The following CCSER1 variants were observed in gnomAD, a reference collection of about 807,000 sequenced individuals.
CCSER1 encodes serine-rich coiled-coil domain-containing protein 1.
Under a neutral mutation model 82.0 loss-of-function variants are expected in CCSER1, and 41 were observed. That is an observed-to-expected ratio of 0.50 (90% confidence interval 0.39 to 0.65). The LOEUF (loss-of-function observed/expected upper bound fraction) is 0.65, where lower values mean the gene tolerates loss of function less well. Ranked by LOEUF, CCSER1 falls within the 30% of genes least tolerant of loss-of-function variation. The pLI is 0.00. For missense variants in CCSER1, 1,119 were observed against 1,064.2 expected, an observed-to-expected ratio of 1.05 and a Z score of -0.72; for synonymous variants, 414 against 383.9, an observed-to-expected ratio of 1.08 and a Z score of -0.92.
chr4:91,254,071 C>T (rs1181290315), intron 10 of CCSER1, among the ~76,000 whole-genome samples: 2 of 152,048 alleles, frequency 1.3e-5, no homozygotes, highest in African/African-American at 2.4e-5. Flanking sequence ...CAGTAACAGA[C>T]TATCAAAATA....
intron 7 of CCSER1, among the ~76,000 whole-genome samples, chr4:90,811,995 C>CACACACACACACACATATATAT (rs367800484): frequency 7.0e-6 from 1 of 142,778 alleles, no homozygotes; most frequent in Non-Finnish European, 1.5e-5. Flanking sequence ...TATATAAACA[C>CACACACACACACACATATATAT]ATATATATAT....
chr4:90,822,095 TTAAG>T (rs1202710514), intron 8 of CCSER1, among the ~76,000 whole-genome samples: 22 of 152,186 alleles, frequency 1.4e-4, no homozygotes, highest in Admixed American at 1.4e-3. Context: ...AAAATATTTT[TTAAG>T]TAAGTTAGAG....
intron 5 of CCSER1, among the ~76,000 whole-genome samples, chr4:90,545,644 A>G (rs1049313731): frequency 1.3e-5 from 2 of 151,834 alleles, no homozygotes; most frequent in African/African-American, 2.4e-5. Context: ...TCCCAAATTC[A>G]CTTTCCCTTT....
intron 10 of CCSER1, among the ~76,000 whole-genome samples, chr4:91,486,556 C>T (rs1758230592): frequency 6.6e-6 from 1 of 152,000 alleles, no homozygotes; most frequent in Non-Finnish European, 1.5e-5. Flanking sequence ...CCTTTGTGCC[C>T]ATGGGTTCTG....
rs1208800377 is a variant in CCSER1 at position 90,933,008 on chromosome 4, GAAAGAAAGAAAGAA to G, written c.2172+9563_2172+9576del. ...AGAAAGAAAGAAAGAAAGAAAGAAA[GAAAGAAAGAAAGAA>G]AGAAAGAAAGAAAGAAAGAAAGAGA... On this transcript the variant is annotated intron_variant, in intron 9 of 10. Coordinates refer to ENST00000509176, the MANE Select transcript of CCSER1 (RefSeq NM_001145065.2). Among the ~76,000 whole-genome samples the G allele has an allele frequency of 2.5e-4, 18 of 73,422 alleles. 5 individuals are homozygous for G. Among genetic ancestry groups the G allele is most frequent in the African/African-American group, 1.9e-3 (18 of 9,608 alleles). 48.2% of individuals were successfully genotyped at this position (73,422 alleles called of 152,430 possible).
intron 10 of CCSER1, among the ~76,000 whole-genome samples, chr4:91,157,802 A>G (rs72669238): frequency 0.18 from 26,810 of 151,920 alleles, 2,904 homozygotes; most frequent in Non-Finnish European, 0.22. Context: ...TACAGGTAGC[A>G]TAATAAATGG....
rs183781139 is a variant in CCSER1, at chr4:91,181,355, T to A, written c.2217+95361T>A. 2.2e-3 allele frequency among the ~76,000 whole-genome samples: 341 copies of A among 152,372 alleles called. 2 individuals are homozygous for A. The highest frequency in any genetic ancestry group is 3.5e-3 in the Non-Finnish European group (236 of 68,038). On this transcript the variant is annotated intron_variant, in intron 10 of 10. Transcript: ENST00000509176. ...AAATCACAGAACTTCCAGGTGTTTT[T>A]ATCTATTTTAATGGGTTACTAGCTG...
intron 10 of CCSER1, among the ~76,000 whole-genome samples, chr4:91,298,792 A>T (rs1393416157): frequency 1.3e-5 from 2 of 151,962 alleles, no homozygotes; most frequent in Non-Finnish European, 2.9e-5. Flanking sequence ...TCACAGACAA[A>T]CTTAATGCTC....
At chr4:90,550,432 G>A (rs944474274) in intron 5 of CCSER1, among the ~76,000 whole-genome samples, 1 of 151,914 alleles carries the variant, frequency 6.6e-6, no homozygotes, top group Non-Finnish European at 1.5e-5. Context: ...CTATAGTATT[G>A]TTTCATTTAG....
rs528329349 is a variant in CCSER1, at chr4:91,146,023, G to A, written c.2217+60029G>A. Reference sequence around the variant, plus strand: ...CTCTAGAAAATATGTTTTCCAAGTGGCCTACTACTCTCTCCTCTTCTCTCT... The same window carrying A: ...CTCTAGAAAATATGTTTTCCAAGTGACCTACTACTCTCTCCTCTTCTCTCT... On this transcript the variant is annotated intron_variant, in intron 10 of 10. Coordinates refer to ENST00000509176, the MANE Select transcript of CCSER1 (RefSeq NM_001145065.2). Among the ~76,000 whole-genome samples the A allele has an allele frequency of 1.4e-4, 22 of 152,134 alleles. No homozygotes were observed. The East Asian group carries it at 2.7e-3, about 19-fold the overall frequency.
intron 10 of CCSER1, among the ~76,000 whole-genome samples, chr4:91,187,425 A>G (rs1734649504): frequency 6.6e-6 from 1 of 152,248 alleles, no homozygotes; most frequent in Admixed American, 6.5e-5. Context: ...TTAAATAAAC[A>G]TAAGTAAGTA....
chr4:90,845,666 T>C (rs1267283202), intron 8 of CCSER1, among the ~76,000 whole-genome samples: 1 of 152,172 alleles, frequency 6.6e-6, no homozygotes, highest in Non-Finnish European at 1.5e-5. Context: ...CAACAAAACC[T>C]TGAATTCAGG....
intron 9 of CCSER1, among the ~76,000 whole-genome samples, chr4:91,026,499 T>G (rs1740502349): frequency 6.6e-6 from 1 of 152,150 alleles, no homozygotes; most frequent in Admixed American, 6.6e-5. Context: ...TCTTGTTGTC[T>G]AGTAATATTC....
intron 1 of CCSER1, among the ~76,000 whole-genome samples, chr4:90,230,569 A>G (rs1310562323): frequency 6.6e-6 from 1 of 151,946 alleles, no homozygotes; most frequent in Non-Finnish European, 1.5e-5. Flanking sequence ...GAACCAGAAA[A>G]GCAAGAGCAA....
rs202047774 is a variant in CCSER1, at chr4:90,316,616, C to T, written c.1509+3569C>T. Among the ~76,000 whole-genome samples the T allele has an allele frequency of 2.3e-3, 357 of 152,310 alleles. 3 individuals carry two copies. Among genetic ancestry groups the T allele is most frequent in the African/African-American group, 8.2e-3 (342 of 41,566 alleles). On this transcript the variant is annotated intron_variant, in intron 3 of 10. Transcript: ENST00000509176. ...TTAGCAGTTTTGTAATACTTCTTTACTCCTAACTTTTAATGTTAGCATTAA... is the reference window on the plus strand; with the variant it reads ...TTAGCAGTTTTGTAATACTTCTTTATTCCTAACTTTTAATGTTAGCATTAA...
rs549265936 is a variant in CCSER1, at chr4:91,489,743, G to A, written c.2218-108829G>A. Reference sequence around the variant, plus strand: ...GCAGAGGTTGCAGTGAGCCGAGATCGCTCCACTGCACTCCAGCCTGGGAGA... The same window carrying A: ...GCAGAGGTTGCAGTGAGCCGAGATCACTCCACTGCACTCCAGCCTGGGAGA... On this transcript the variant is annotated intron_variant, in intron 10 of 10. Coordinates refer to ENST00000509176, the MANE Select transcript of CCSER1 (RefSeq NM_001145065.2). Among the ~76,000 whole-genome samples the A allele has an allele frequency of 4.6e-5, 7 of 152,006 alleles. No individual in the cohort carries two copies. The South Asian group carries it at 1.2e-3, about 27-fold the overall frequency.
At chr4:90,301,657 T>C (rs1369463532) in intron 1 of CCSER1, among the ~76,000 whole-genome samples, 1 of 152,122 alleles carries the variant, frequency 6.6e-6, no homozygotes, top group Admixed American at 6.6e-5. Flanking sequence ...AGATAATGGA[T>C]AGGTCTAGTT....
At chr4:90,723,691 T>C (rs1360959270) in intron 6 of CCSER1, among the ~76,000 whole-genome samples, 1 of 151,952 alleles carries the variant, frequency 6.6e-6, no homozygotes, top group African/African-American at 2.4e-5. Flanking sequence ...ACTTAAAATA[T>C]ACATGGAGAG....
chr4:90,712,390 T>G (rs1189607283), intron 6 of CCSER1, among the ~76,000 whole-genome samples: 1 of 152,086 alleles, frequency 6.6e-6, no homozygotes, highest in African/African-American at 2.4e-5. Context: ...CTTCCTTAAT[T>G]TTATTATTTA....
Sources: allele counts gnomAD v4.1 joint callset (sites outside exome capture counted in the v4.1 genomes callset), GRCh38; gene constraint gnomAD v4.1.1; transcripts MANE v1.5; gene names NCBI Gene and HGNC (gene_info 2026-07-23, HGNC 2026-07-21).